The following KALRN variants were observed in gnomAD, a reference collection of about 807,000 sequenced individuals.
KALRN encodes kalirin RhoGEF kinase.
KALRN carries 70 observed loss-of-function variants against 353.7 expected under a neutral mutation model. That is an observed-to-expected ratio of 0.20 (90% CI 0.16 to 0.24). The LOEUF is 0.24. Among genes scored for constraint, KALRN ranks in the 10% least tolerant of loss-of-function variants. The pLI is 1.00. For missense variants in KALRN, 2,791 were observed against 3,756.7 expected (o/e 0.74, Z 6.72); for synonymous variants, 1,391 against 1,434.8 (o/e 0.97, Z 0.69).
intron 34 of KALRN, among the ~76,000 whole-genome samples, chr3:124,598,669 ATGT>A (rs1055990329): frequency 7.0e-6 from 1 of 141,880 alleles, no homozygotes; most frequent in Admixed American, 7.0e-5. Flanking sequence ...TGTTTGTTTG[ATGT>A]TGTTTTTGTC....
rs564296091 is a variant in KALRN at position 124,625,570 on chromosome 3, A to G, written c.5183-6850A>G. Among the ~76,000 whole-genome samples the G allele has an allele frequency of 1.8e-3, 277 of 152,250 alleles. 3 individuals are homozygous for G. The highest frequency in any genetic ancestry group is 6.6e-3 in the African/African-American group (275 of 41,556). ...ACCCCATCTCTATCTTCTTCCAAAA[A>G]AAAAAAAGTACTGGTCCAAAATAGA... is the stretch of plus-strand genomic sequence containing the variant. On this transcript the variant is annotated intron_variant, in intron 34 of 59. Coordinates refer to ENST00000682506, the MANE Select transcript of KALRN (RefSeq NM_001388419.1).
At chr3:124,209,240 C>A (rs915347645) in intron 1 of KALRN, among the ~76,000 whole-genome samples, 1 of 151,950 alleles carries the variant, frequency 6.6e-6, no homozygotes, top group Non-Finnish European at 1.5e-5. Flanking sequence ...TGCAGTGGCT[C>A]ACACCTGTAA....
intron 37 of KALRN, among the ~76,000 whole-genome samples, chr3:124,638,832 T>A (rs2081670670): frequency 1.3e-5 from 2 of 152,210 alleles, no homozygotes; most frequent in African/African-American, 4.8e-5. Flanking sequence ...TTTATATCAT[T>A]TTAAAATGGT....
Position 124,562,854 on chromosome 3 carries a change from A to T in KALRN, c.4947A>T (p.Gly1649=). The stretch of plus-strand genomic sequence containing the variant: ...ACCACCCTCCAAAGCTCTCTGGTGG[A>T]TGTGAGCTGACAGTGGTCCTCCAGG... ...NTVDSDKLSG[G]CELTVVLQDF... Residue 1649 remains glycine, a synonymous_variant, in exon 34 of 60, where the codon GGA becomes GGT. Coordinates refer to ENST00000682506, the MANE Select transcript of KALRN (RefSeq NM_001388419.1). 7.3e-7 allele frequency: 1 copy of T among 1,365,046 alleles called. No individual in the cohort carries two copies. Among genetic ancestry groups the T allele is most frequent in the Non-Finnish European group, 9.8e-7 (1 of 1,020,898 alleles). 84.6% of individuals were successfully genotyped at this position (1,365,046 alleles called of 1,614,324 possible).
intron 1 of KALRN, among the ~76,000 whole-genome samples, chr3:124,209,492 CAA>C (rs5852396): frequency 5.7e-5 from 4 of 70,038 alleles, no homozygotes; most frequent in African/African-American, 1.8e-4. Context: ...CACTCTGTCT[CAA>C]AAAAAAAAAA....
intron 13 of KALRN, among the ~76,000 whole-genome samples, chr3:124,411,241 G>C (rs922817604): frequency 3.9e-5 from 6 of 152,060 alleles, no homozygotes; most frequent in Non-Finnish European, 8.8e-5. Flanking sequence ...AGGTTCTCTA[G>C]AGTGATGGAA....
At position 124,468,346 on chromosome 3, in the gene KALRN, G is replaced by T. The variant is rs75542570; in HGVS notation, c.4031+5713G>T. On this transcript the variant is annotated intron_variant, in intron 25 of 59. Transcript: ENST00000682506. ...TTTTACAACCCCTTGAAACACAAGGGGGGGGTTGATCCATGGCTGCACGGC... is the reference window on the plus strand; with the variant it reads ...TTTTACAACCCCTTGAAACACAAGGTGGGGGTTGATCCATGGCTGCACGGC... Among the ~76,000 whole-genome samples, 621 of 152,178 alleles carry T rather than the reference G, an allele frequency of 4.1e-3. 6 individuals are homozygous for T. Among genetic ancestry groups the T allele is most frequent in the African/African-American group, 0.012 (482 of 41,506 alleles).
At chr3:124,611,599 G>T (rs2077978748) in intron 34 of KALRN, among the ~76,000 whole-genome samples, 1 of 152,216 alleles carries the variant, frequency 6.6e-6, no homozygotes, top group Admixed American at 6.5e-5. Flanking sequence ...AGAGTGGTCA[G>T]AAATTAAAGA....
chr3:124,088,069 C>G (rs368684102), intron 1 of KALRN, among the ~76,000 whole-genome samples: 1 of 151,956 alleles, frequency 6.6e-6, no homozygotes, highest in Non-Finnish European at 1.5e-5. Flanking sequence ...GAAAACCATC[C>G]CACCCTAAGA....
At chr3:124,140,568 C>T (rs1160027762) in intron 1 of KALRN, among the ~76,000 whole-genome samples, 4 of 152,214 alleles carry the variant, frequency 2.6e-5, no homozygotes, top group Non-Finnish European at 5.9e-5. Context: ...TGGGTGAGGT[C>T]TCCTGTGATT....
chr3:124,590,570 CT>C (rs2075673729), intron 34 of KALRN, among the ~76,000 whole-genome samples: 3 of 152,076 alleles, frequency 2.0e-5, no homozygotes, highest in African/African-American at 7.2e-5. Flanking sequence ...TGTGGTATTC[CT>C]TTTAAGAATC....
At chr3:124,580,268 A>C (rs1284175444) in intron 34 of KALRN, among the ~76,000 whole-genome samples, 1 of 152,038 alleles carries the variant, frequency 6.6e-6, no homozygotes, top group African/African-American at 2.4e-5. Flanking sequence ...AGTGGTTTTC[A>C]AACTATGCTG....
intron 1 of KALRN, chr3:124,153,116 AT>A (rs1290467570): frequency 2.0e-5 from 3 of 153,418 alleles, no homozygotes; most frequent in South Asian, 1.9e-4. Context: ...TTTAATTTTT[AT>A]TTTTTTATTA....
chr3:124,043,677 G>A (rs2040166979), intron 1 of KALRN, among the ~76,000 whole-genome samples: 1 of 152,150 alleles, frequency 6.6e-6, no homozygotes, highest in East Asian at 1.9e-4. Flanking sequence ...TGAGGCAGCT[G>A]TGAAATGGGT....
chr3:124,650,194 T>A (rs989957217), intron 37 of KALRN, among the ~76,000 whole-genome samples: 2 of 152,172 alleles, frequency 1.3e-5, no homozygotes, highest in Admixed American at 6.5e-5. Flanking sequence ...TGAATATTTT[T>A]ATCGTTAACA....
chr3:124,648,618 C>G (rs1488743114), intron 37 of KALRN, among the ~76,000 whole-genome samples: 1 of 152,190 alleles, frequency 6.6e-6, no homozygotes, highest in Non-Finnish European at 1.5e-5. Flanking sequence ...GTCAAGCGAG[C>G]CTATAAACCA....
chr3:124,201,256 T>C (rs921764422), intron 1 of KALRN, among the ~76,000 whole-genome samples: 2 of 152,246 alleles, frequency 1.3e-5, no homozygotes, highest in African/African-American at 4.8e-5. Context: ...GCCATTATGG[T>C]AGAGCTTTCC....
intron 33 of KALRN, among the ~76,000 whole-genome samples, chr3:124,505,833 G>T (rs191272085): frequency 6.6e-6 from 1 of 152,140 alleles, no homozygotes; most frequent in Non-Finnish European, 1.5e-5. Context: ...TAGAATTCTT[G>T]GAAAGATCTT....
intron 5 of KALRN, among the ~76,000 whole-genome samples, chr3:124,272,415 C>G (rs1217224862): frequency 6.6e-6 from 1 of 152,124 alleles, no homozygotes; most frequent in Non-Finnish European, 1.5e-5. Context: ...TGCTATATTT[C>G]AGTTAGAGGT....
Sources: gnomAD v4.1 joint callset for allele counts (sites outside exome capture counted in the v4.1 genomes callset) on GRCh38, gnomAD v4.1.1 for gene constraint, MANE v1.5 for transcripts, NCBI Gene and HGNC (gene_info 2026-07-23, HGNC 2026-07-21) for gene names.